The following PTPRD variants were observed in gnomAD, a reference collection of about 807,000 sequenced individuals.
PTPRD encodes the protein receptor-type tyrosine-protein phosphatase delta.
A neutral mutation model predicts 214.5 loss-of-function variants in PTPRD; 34 were observed. The observed-to-expected ratio is 0.16, with a 90% CI of 0.12 to 0.21. The LOEUF is 0.21. PTPRD is among the 10% of genes least tolerant of loss of function. The pLI is 1.00. For missense variants in PTPRD, 2,545 were observed against 2,398.7 expected, an observed-to-expected ratio of 1.06 and a Z score of -1.27; for synonymous variants, 1,128 against 845.7, an observed-to-expected ratio of 1.33 and a Z score of -5.79.
intron 9 of PTPRD, among the ~76,000 whole-genome samples, chr9:9,210,083 A>G (rs1207902898): frequency 6.6e-6 from 1 of 152,088 alleles, no homozygotes; most frequent in African/African-American, 2.4e-5. Context: ...TGTTTTCATT[A>G]TTTTACTGAA....
rs531992992 is a variant in PTPRD at position 9,471,101 on chromosome 9, T to G, written c.-236-73619A>C. On this transcript the variant is annotated intron_variant, in intron 8 of 45. Coordinates refer to ENST00000381196, the MANE Select transcript of PTPRD (RefSeq NM_002839.4). ...GTAAAATGTAAAGCATTAAGTACTTTGTTCTTCAGTGTCTCTGCATTTTGT... is the reference window on the plus strand; with the variant it reads ...GTAAAATGTAAAGCATTAAGTACTTGGTTCTTCAGTGTCTCTGCATTTTGT... Among the ~76,000 whole-genome samples the G allele has an allele frequency of 2.0e-5, 3 of 152,214 alleles. No individual in the cohort carries two copies. The South Asian group carries it at 6.2e-4, about 31-fold the overall frequency.
At chr9:9,933,161 T>C (rs1251098576) in intron 5 of PTPRD, among the ~76,000 whole-genome samples, 2 of 152,204 alleles carry the variant, frequency 1.3e-5, no homozygotes, top group East Asian at 3.9e-4. Flanking sequence ...AGGAAGTAAC[T>C]GCATCAACTA....
intron 14 of PTPRD, among the ~76,000 whole-genome samples, chr9:8,632,626 T>C (rs553412249): frequency 6.6e-6 from 1 of 152,068 alleles, no homozygotes; most frequent in South Asian, 2.1e-4. Context: ...ACAGTCTTCA[T>C]CATAGCTTTA....
intron 9 of PTPRD, among the ~76,000 whole-genome samples, chr9:9,387,900 G>C (rs1709504854): frequency 1.3e-5 from 2 of 152,166 alleles, no homozygotes; most frequent in African/African-American, 4.8e-5. Flanking sequence ...TGAAGCCCCA[G>C]TGGGCATGTG....
At chr9:10,082,346 G>A (rs1357320711) in intron 3 of PTPRD, among the ~76,000 whole-genome samples, 31 of 152,018 alleles carry the variant, frequency 2.0e-4, no homozygotes, top group Admixed American at 2.0e-3. Flanking sequence ...TCCCAAACAC[G>A]GTCAAGATGT....
At chr9:10,571,449 TG>T (rs902029099) in intron 2 of PTPRD, among the ~76,000 whole-genome samples, 1 of 152,176 alleles carries the variant, frequency 6.6e-6, no homozygotes, top group African/African-American at 2.4e-5. Flanking sequence ...TAAATTTTAA[TG>T]GTTTCCATGA....
intron 9 of PTPRD, among the ~76,000 whole-genome samples, chr9:9,277,934 A>AT (rs1323395720): frequency 2.0e-5 from 3 of 151,380 alleles, no homozygotes; most frequent in African/African-American, 4.8e-5. Context: ...GTGATAAAAT[A>AT]TTTTTTCATT....
chr9:10,386,630 A>G (rs2097918413), intron 2 of PTPRD, among the ~76,000 whole-genome samples: 1 of 147,090 alleles, frequency 6.8e-6, no homozygotes, highest in Non-Finnish European at 1.5e-5. Flanking sequence ...GCTGCCTTTT[A>G]GAAATTAAGA....
At chr9:8,344,535 G>A (rs1855694129) in intron 39 of PTPRD, among the ~76,000 whole-genome samples, 1 of 151,782 alleles carries the variant, frequency 6.6e-6, no homozygotes, top group South Asian at 2.1e-4. Flanking sequence ...AGAAATAACA[G>A]AGGCTATGAC....
At chr9:9,696,490 G>C (rs146888604) in intron 7 of PTPRD, among the ~76,000 whole-genome samples, 2 of 152,002 alleles carry the variant, frequency 1.3e-5, no homozygotes, top group Non-Finnish European at 2.9e-5. Flanking sequence ...CTCCTGTTTT[G>C]TGTGCATAGA....
At chr9:10,425,872 A>G (rs958164011) in intron 2 of PTPRD, among the ~76,000 whole-genome samples, 4 of 151,966 alleles carry the variant, frequency 2.6e-5, no homozygotes, top group African/African-American at 7.2e-5. Flanking sequence ...CATAAGTCAT[A>G]TACAATTTTT....
At chr9:10,123,356 C>G (rs1315176732) in intron 3 of PTPRD, among the ~76,000 whole-genome samples, 1 of 152,168 alleles carries the variant, frequency 6.6e-6, no homozygotes, top group African/African-American at 2.4e-5. Flanking sequence ...TTAAGATTTT[C>G]TAGACTGCTA....
chr9:9,826,864 C>T (rs1279704857), intron 5 of PTPRD, among the ~76,000 whole-genome samples: 1 of 152,032 alleles, frequency 6.6e-6, no homozygotes, highest in African/African-American at 2.4e-5. Flanking sequence ...ACACCAATAA[C>T]AGACAAACAG....
intron 14 of PTPRD, among the ~76,000 whole-genome samples, chr9:8,593,069 G>A (rs1484028892): frequency 6.6e-6 from 1 of 152,198 alleles, no homozygotes; most frequent in Admixed American, 6.5e-5. Context: ...GGAAAGGATG[G>A]CTGAGGAGAA....
intron 9 of PTPRD, among the ~76,000 whole-genome samples, chr9:9,319,372 T>C (rs1965204236): frequency 6.6e-6 from 1 of 152,212 alleles, no homozygotes; most frequent in African/African-American, 2.4e-5. Flanking sequence ...ACTGCCATTC[T>C]TCTTGTTATG....
intron 3 of PTPRD, among the ~76,000 whole-genome samples, chr9:10,145,882 A>C (rs2099019042): frequency 6.6e-6 from 1 of 152,118 alleles, no homozygotes; most frequent in East Asian, 1.9e-4. Flanking sequence ...AATCTCATCC[A>C]AATTAATTAT....
chr9:8,969,224 C>T (rs1051494166), intron 11 of PTPRD, among the ~76,000 whole-genome samples: 4 of 151,978 alleles, frequency 2.6e-5, no homozygotes, highest in East Asian at 1.9e-4. Flanking sequence ...AAAGCCGAAT[C>T]GTGCCAAGTG....
At chr9:10,044,921 A>C (rs2097362213) in intron 3 of PTPRD, among the ~76,000 whole-genome samples, 1 of 151,702 alleles carries the variant, frequency 6.6e-6, no homozygotes, top group Admixed American at 6.6e-5. Context: ...CTATCAGTTT[A>C]TGAGTCATTT....
chr9:8,590,921 C>A (rs545582706), intron 14 of PTPRD, among the ~76,000 whole-genome samples: 1 of 152,144 alleles, frequency 6.6e-6, no homozygotes, highest in Admixed American at 6.5e-5. Context: ...CTGGGTTAGA[C>A]TGAGGTGTCA....
Sources: gnomAD v4.1 joint callset for allele counts (sites outside exome capture counted in the v4.1 genomes callset) on GRCh38, gnomAD v4.1.1 for gene constraint, MANE v1.5 for transcripts, NCBI Gene and HGNC (gene_info 2026-07-23, HGNC 2026-07-21) for gene names.